SVOPL: variants seen among roughly 807,000 people sequenced by gnomAD.
The protein encoded by SVOPL is putative transporter SVOPL.
Under a neutral mutation model 61.0 loss-of-function variants are expected in SVOPL, and 60 were observed. The observed-to-expected ratio is 0.98, with a 90% confidence interval of 0.80 to 1.22. The LOEUF is 1.22. Among genes scored for constraint, SVOPL ranks in the 50% most tolerant of loss-of-function variants. SVOPL has a pLI of 0.00. For synonymous variants in SVOPL, 279 were observed against 250.0 expected, an observed-to-expected ratio of 1.12 and a Z score of -1.09; for missense variants, 662 against 643.9, an observed-to-expected ratio of 1.03 and a Z score of -0.30.
intron 6 of SVOPL, among the ~76,000 whole-genome samples, chr7:138,656,911 G>T (rs146448711): frequency 2.0e-5 from 3 of 151,608 alleles, no homozygotes; most frequent in Non-Finnish European, 4.4e-5. Context: ...GTGTGGTGGC[G>T]CATGCCTGTA....
intron 7 of SVOPL, among the ~76,000 whole-genome samples, chr7:138,655,989 A>T (rs189397250): frequency 6.6e-6 from 1 of 152,172 alleles, no homozygotes; most frequent in Non-Finnish European, 1.5e-5. Flanking sequence ...TCCTACAGAG[A>T]AATCTTTCAG....
At chr7:138,652,694 CACTGCATGCAA>C (rs1307503148) in intron 7 of SVOPL, among the ~76,000 whole-genome samples, 1 of 151,934 alleles carries the variant, frequency 6.6e-6, no homozygotes, top group East Asian at 1.9e-4. Context: ...CAGCTTGGCT[CACTGCATGCAA>C]CCTCCGCCTC....
intron 1 of SVOPL, among the ~76,000 whole-genome samples, chr7:138,686,317 C>T (rs558167816): frequency 2.0e-5 from 3 of 149,094 alleles, no homozygotes; most frequent in South Asian, 2.2e-4. Flanking sequence ...GCAGGAGAAT[C>T]GCTTGAACCC....
chr7:138,674,823 T>G (rs6976485), intron 3 of SVOPL, among the ~76,000 whole-genome samples: 4,189 of 147,880 alleles, frequency 0.028, 204 homozygotes, highest in African/African-American at 0.1. Context: ...GCCACTGCAC[T>G]CCAGCCTGGG....
At chr7:138,622,196 A>G (rs371461096) in intron 13 of SVOPL, among the ~76,000 whole-genome samples, 840 of 83,208 alleles carry the variant, frequency 0.01, 74 homozygotes, top group African/African-American at 0.013. Flanking sequence ...CTATCTATCT[A>G]TCTATGTATC....
chr7:138,655,709 T>C (rs1801696849), intron 7 of SVOPL, among the ~76,000 whole-genome samples: 1 of 149,916 alleles, frequency 6.7e-6, no homozygotes, highest in South Asian at 2.1e-4. Context: ...TAGTGTAATA[T>C]ATACTATATT....
intron 14 of SVOPL, among the ~76,000 whole-genome samples, chr7:138,607,910 G>A (rs1798826341): frequency 6.6e-6 from 1 of 152,100 alleles, no homozygotes; most frequent in South Asian, 2.1e-4. Flanking sequence ...CAGTAAGCTG[G>A]TTGTTTAAAA....
chr7:138,689,989 A>G (rs181812246), intron 1 of SVOPL, among the ~76,000 whole-genome samples: 66 of 152,174 alleles, frequency 4.3e-4, no homozygotes, highest in African/African-American at 1.6e-3. Flanking sequence ...GGCAACACGA[A>G]GGCAGATATG....
chr7:138,693,608 A>AAAAG (rs1289029992), intron 1 of SVOPL, among the ~76,000 whole-genome samples: 1 of 151,388 alleles, frequency 6.6e-6, no homozygotes, highest in Non-Finnish European at 1.5e-5. Flanking sequence ...AAAGAAAGAA[A>AAAAG]AAAGAAAGAA....
chr7:138,669,743 C>T (rs529188498), intron 4 of SVOPL, among the ~76,000 whole-genome samples: 23 of 152,336 alleles, frequency 1.5e-4, no homozygotes, highest in Admixed American at 2.6e-4. Context: ...AGGCTATATA[C>T]GTTTCTGTCC....
chr7:138,660,234 T>A (rs980158045), intron 5 of SVOPL: 11 of 1,198,296 alleles, frequency 9.2e-6, no homozygotes, highest in Non-Finnish European at 1.1e-5. Context: ...CCCACCCTCA[T>A]GGGTGGCAGG....
chr7:138,639,041 T>C (rs1358722261), intron 9 of SVOPL, among the ~76,000 whole-genome samples: 1 of 151,694 alleles, frequency 6.6e-6, no homozygotes. Flanking sequence ...TCACCTGAGG[T>C]CAGGAGCTCA....
rs1584866778 is a variant in SVOPL at position 138,681,268 on chromosome 7, G to A, written c.-34-2189C>T. Among the ~76,000 whole-genome samples, 5 of 147,126 alleles carry A rather than the reference G, an allele frequency of 3.4e-5. No individual in the cohort carries two copies. In the South Asian group the frequency reaches 1.1e-3, roughly 31 times the overall value. Reference sequence around the variant, plus strand: ...AATAAATATAAACAAACAAACCCAGGCACTTTAGGTGACAAATTTTGAACT... The same window carrying A: ...AATAAATATAAACAAACAAACCCAGACACTTTAGGTGACAAATTTTGAACT... On this transcript the variant is annotated intron_variant, in intron 1 of 15. Transcript: ENST00000674285.
chr7:138,621,116 C>G lies in SVOPL; in HGVS notation c.1283G>C (p.Arg428Pro). 5 of 1,613,720 alleles carry G rather than the reference C, an allele frequency of 3.1e-6. No individual in the cohort carries two copies. The highest frequency in any genetic ancestry group is 4.2e-6 in the Non-Finnish European group (5 of 1,179,848). ...YTAEVYPTTM[R>P]ALGMGTSGSL... ...GCCGCTGGTTCCCATCCCCAAAGCG[C>G]GCATCGTGGTGGGGTAGACCTGCAG... Residue 428 changes from arginine to proline, a missense_variant, in exon 14 of 16, where the codon CGC (arginine) becomes CCC (proline). Arg to Pro is a moderately radical substitution (Grantham distance 103). Transcript: ENST00000674285.
At chr7:138,596,846 C>A (rs574746678) in intron 14 of SVOPL, 13 of 1,104,960 alleles carry the variant, frequency 1.2e-5, no homozygotes, top group Non-Finnish European at 1.3e-5. Context: ...TTCCCCACCC[C>A]CTTTCTCATA....
At position 138,663,127 on chromosome 7, in the gene SVOPL, T is replaced by G. The variant is rs781623113; in HGVS notation, c.292A>C (p.Met98Leu). The G allele has an allele frequency of 1.2e-5, 20 of 1,613,872 alleles. No homozygotes were observed. The Admixed American group carries it at 3.3e-4, about 27-fold the overall frequency. Residue 98 changes from methionine to leucine, a missense_variant, in exon 5 of 16, where the codon ATG becomes CTG. Met to Leu is a conservative substitution (Grantham distance 15, BLOSUM62 2). Transcript: ENST00000674285. ...AGGCCAAAGAGGATACTGAAAACCA[T>G]GTAGCCAAAAAACACCATCTGCAAG... ...LVTTMVFFGY[M>L]VFSILFGLLA...
chr7:138,621,094 G>A lies in SVOPL; in HGVS notation c.1305C>T (p.Ser435=), dbSNP rs375530089. ...TTGCACCAATGCGACACAGGGAGCC[G>A]CTGGTTCCCATCCCCAAAGCGCGCA... ...TTMRALGMGT[S]GSLCRIGAMV... Residue 435 remains serine, a synonymous_variant, in exon 14 of 16, where the codon AGC becomes AGT. Coordinates refer to ENST00000674285, the MANE Select transcript of SVOPL (RefSeq NM_001139456.2). The A allele has an allele frequency of 1.2e-5, 20 of 1,613,456 alleles. No homozygotes were observed. The highest frequency in any genetic ancestry group is 9.9e-5 in the South Asian group (9 of 90,954).
chr7:138,657,951 G>C (rs1046742491), intron 6 of SVOPL, among the ~76,000 whole-genome samples: 1 of 152,194 alleles, frequency 6.6e-6, no homozygotes, highest in African/African-American at 2.4e-5. Context: ...ACATTGCCAT[G>C]GCATTTGTAA....
chr7:138,652,033 G>A (rs1305903337), intron 7 of SVOPL, among the ~76,000 whole-genome samples: 1 of 151,896 alleles, frequency 6.6e-6, no homozygotes, highest in Non-Finnish European at 1.5e-5. Flanking sequence ...TCTAGTAGAT[G>A]GAATTACAGG....
Sources: gnomAD v4.1 joint callset for allele counts (sites outside exome capture counted in the v4.1 genomes callset) on GRCh38, gnomAD v4.1.1 for gene constraint, MANE v1.5 for transcripts, NCBI Gene and HGNC (gene_info 2026-07-23, HGNC 2026-07-21) for gene names.